Variants in GRID2 observed in about 807,000 individuals in gnomAD.
GRID2 encodes the protein glutamate ionotropic receptor delta type subunit 2.
A neutral mutation model predicts 114.8 loss-of-function variants in GRID2; 33 were observed. The ratio of observed to expected loss-of-function variants is 0.29; its 90% CI spans 0.22 to 0.38. The LOEUF (loss-of-function observed/expected upper bound fraction) is 0.38. Among genes scored for constraint, GRID2 ranks in the 10% least tolerant of loss-of-function variants. The pLI, the probability that GRID2 is intolerant of heterozygous loss-of-function variation, is 1.00. For synonymous variants in GRID2, 505 were observed against 449.9 expected, an observed-to-expected ratio of 1.12 and a Z score of -1.55; for missense variants, 1,184 against 1,257.7, an observed-to-expected ratio of 0.94 and a Z score of 0.89.
chr4:92,602,139 G>A (rs1579662318), intron 2 of GRID2, among the ~76,000 whole-genome samples: 2 of 150,414 alleles, frequency 1.3e-5, no homozygotes, highest in South Asian at 2.1e-4. Context: ...TGAAAAGGAG[G>A]GACTTCACCC....
At chr4:93,531,560 G>C (rs1221508096) in intron 13 of GRID2, among the ~76,000 whole-genome samples, 7 of 151,006 alleles carry the variant, frequency 4.6e-5, no homozygotes, top group Non-Finnish European at 7.4e-5. Context: ...TAGATAAGAT[G>C]AAAGGCATGA....
At chr4:92,551,329 G>C (rs569760739) in intron 1 of GRID2, among the ~76,000 whole-genome samples, 24 of 151,304 alleles carry the variant, frequency 1.6e-4, no homozygotes, top group Non-Finnish European at 2.7e-4. Context: ...ACAATGAAAT[G>C]TTATTTTAAG....
intron 11 of GRID2, among the ~76,000 whole-genome samples, chr4:93,465,898 G>A (rs1293283941): frequency 1.3e-5 from 2 of 152,082 alleles, no homozygotes; most frequent in Admixed American, 6.6e-5. Context: ...CCCTATTTAA[G>A]CATGTCATTA....
intron 9 of GRID2, among the ~76,000 whole-genome samples, chr4:93,420,887 G>A (rs1768202788): frequency 6.6e-6 from 1 of 151,948 alleles, no homozygotes; most frequent in Non-Finnish European, 1.5e-5. Context: ...CCAAGTAGCT[G>A]GGACTACAGG....
chr4:92,593,777 T>C (rs1329889237), intron 2 of GRID2, among the ~76,000 whole-genome samples: 1 of 151,756 alleles, frequency 6.6e-6, no homozygotes, highest in Admixed American at 6.6e-5. Context: ...ATTTTTCATC[T>C]TTTGTGTACT....
intron 2 of GRID2, among the ~76,000 whole-genome samples, chr4:92,729,116 T>G (rs1029062239): frequency 2.6e-5 from 4 of 152,054 alleles, no homozygotes; most frequent in Non-Finnish European, 5.9e-5. Flanking sequence ...CTAGAGTTAT[T>G]CAAATTCAGT....
At chr4:93,456,021 A>C in intron 11 of GRID2, 47 bp downstream of exon 11, 1 of 1,103,796 alleles carries the variant, frequency 9.1e-7, no homozygotes, top group Non-Finnish European at 1.4e-6. Flanking sequence ...ATAGAATGTG[A>C]TGTTTCCAAA....
chr4:93,086,911 A>G (rs1730371146), intron 3 of GRID2, among the ~76,000 whole-genome samples: 1 of 152,144 alleles, frequency 6.6e-6, no homozygotes, highest in African/African-American at 2.4e-5. Context: ...TTTTACTTAA[A>G]TGATATTCTT....
At chr4:93,376,991 A>T (rs1370915719) in intron 8 of GRID2, among the ~76,000 whole-genome samples, 1 of 152,170 alleles carries the variant, frequency 6.6e-6, no homozygotes, top group Non-Finnish European at 1.5e-5. Context: ...AATAAAAATA[A>T]ATTATTCTAA....
At chr4:93,371,154 T>A (rs993662672) in intron 8 of GRID2, among the ~76,000 whole-genome samples, 1 of 152,184 alleles carries the variant, frequency 6.6e-6, no homozygotes, top group Non-Finnish European at 1.5e-5. Flanking sequence ...GGGTTTAAGA[T>A]TAAAGGCAAA....
At chr4:92,871,885 GC>G (rs1262817698) in intron 2 of GRID2, among the ~76,000 whole-genome samples, 1 of 152,058 alleles carries the variant, frequency 6.6e-6, no homozygotes, top group Non-Finnish European at 1.5e-5. Context: ...ACCTTGAGGG[GC>G]TCTTTTTCCT....
intron 1 of GRID2, among the ~76,000 whole-genome samples, chr4:92,552,117 G>A (rs998279398): frequency 5.9e-5 from 9 of 151,970 alleles, no homozygotes; most frequent in African/African-American, 1.2e-4. Flanking sequence ...AAAGGGTAGT[G>A]CATGTATTCA....
At chr4:92,425,145 AAAG>A (rs1732095474) in intron 1 of GRID2, among the ~76,000 whole-genome samples, 1 of 152,042 alleles carries the variant, frequency 6.6e-6, no homozygotes, top group Admixed American at 6.6e-5. Context: ...TTTTCTGTAG[AAAG>A]AGAAGTAAGG....
At chr4:93,066,536 C>T (rs1436963308) in intron 2 of GRID2, among the ~76,000 whole-genome samples, 3 of 151,934 alleles carry the variant, frequency 2.0e-5, no homozygotes, top group East Asian at 1.9e-4. Flanking sequence ...GGAATACATC[C>T]GAGACTTCTG....
intron 2 of GRID2, among the ~76,000 whole-genome samples, chr4:92,820,502 C>G (rs1479287663): frequency 1.3e-5 from 2 of 152,024 alleles, no homozygotes; most frequent in African/African-American, 2.4e-5. Flanking sequence ...CAAATGAAAA[C>G]AAAGAAAGAA....
intron 8 of GRID2, among the ~76,000 whole-genome samples, chr4:93,246,170 G>T (rs777192856): frequency 6.6e-6 from 1 of 152,132 alleles, no homozygotes; most frequent in African/African-American, 2.4e-5. Flanking sequence ...AACATAGCCT[G>T]CATAAACCCA....
chr4:93,236,807 A>G (rs1260407508), intron 7 of GRID2, among the ~76,000 whole-genome samples: 1 of 152,090 alleles, frequency 6.6e-6, no homozygotes, highest in African/African-American at 2.4e-5. Flanking sequence ...CCATCTAAAT[A>G]TTTAAGCGTA....
At chr4:93,611,871 G>C (rs1383363806) in intron 13 of GRID2, among the ~76,000 whole-genome samples, 3 of 151,746 alleles carry the variant, frequency 2.0e-5, no homozygotes, top group Admixed American at 1.3e-4. Flanking sequence ...GGGTATCCTT[G>C]TTGACTTTCT....
intron 2 of GRID2, among the ~76,000 whole-genome samples, chr4:92,833,352 TACTTCATCCATAA>T (rs1742244936): frequency 6.6e-6 from 1 of 152,228 alleles, no homozygotes. Flanking sequence ...CTGACACATG[TACTTCATCCATAA>T]ACCCCATCAA....
Sources: gnomAD v4.1 joint callset for allele counts (sites outside exome capture counted in the v4.1 genomes callset) on GRCh38, gnomAD v4.1.1 for gene constraint, MANE v1.5 for transcripts, NCBI Gene and HGNC (gene_info 2026-07-23, HGNC 2026-07-21) for gene names.